MYO1H: variants seen among roughly 807,000 people sequenced by gnomAD.
MYO1H encodes unconventional myosin-Ih.
In MYO1H, 118 loss-of-function variants were observed where a neutral mutation model predicts 149.3. The observed-to-expected ratio is 0.79, with a 90% CI of 0.68 to 0.92. The LOEUF (loss-of-function observed/expected upper bound fraction) is 0.92. Ranked by LOEUF, MYO1H falls within the 40% of genes least tolerant of loss-of-function variation. The pLI is 0.00. For synonymous variants in MYO1H, 447 were observed against 465.2 expected, an observed-to-expected ratio of 0.96 and a Z score of 0.50; for missense variants, 1,212 against 1,280.7, an observed-to-expected ratio of 0.95 and a Z score of 0.82.
At chr12:109,385,606 A>T (rs940791131) in intron 1 of MYO1H, among the ~76,000 whole-genome samples, 2 of 152,250 alleles carry the variant, frequency 1.3e-5, no homozygotes, top group Admixed American at 6.5e-5. Context: ...AAATCACTAA[A>T]ATATTGTTTG....
At chr12:109,438,506 C>T in intron 22 of MYO1H, 30 bp from the exon 23 acceptor site, 2 of 1,578,768 alleles carry the variant, frequency 1.3e-6, no homozygotes, top group Non-Finnish European at 1.7e-6. Context: ...ATTGTGCTCA[C>T]CTTCTAATGC....
intron 1 of MYO1H, among the ~76,000 whole-genome samples, chr12:109,371,213 CTTTTTTT>C (rs34350111): frequency 1.9e-3 from 230 of 118,330 alleles, no homozygotes; most frequent in South Asian, 0.011. Flanking sequence ...TTTTTTCTTT[CTTTTTTT>C]TTTTTTTTTT....
chr12:109,326,945 A>G, the MYO1H span, among the ~76,000 whole-genome samples: 2 of 152,186 alleles, frequency 1.3e-5, no homozygotes, highest in South Asian at 2.1e-4. Flanking sequence ...CACTCTATGA[A>G]TAAGATACCT....
chr12:109,381,407 C>G (rs1259497672), intron 1 of MYO1H, among the ~76,000 whole-genome samples: 4 of 152,100 alleles, frequency 2.6e-5, no homozygotes, highest in Non-Finnish European at 5.9e-5. Flanking sequence ...AGTAAAAATC[C>G]TATCTCCAAA....
chr12:109,393,076 G>A (rs1331085243), intron 2 of MYO1H, among the ~76,000 whole-genome samples: 6 of 152,058 alleles, frequency 3.9e-5, no homozygotes, highest in African/African-American at 2.4e-5. Context: ...CCAAAGTGCT[G>A]GGATTACAGG....
chr12:109,382,838 A>G (rs1356193759), intron 1 of MYO1H, among the ~76,000 whole-genome samples: 1 of 149,566 alleles, frequency 6.7e-6, no homozygotes, highest in Non-Finnish European at 1.5e-5. Flanking sequence ...ATATCTTTAT[A>G]TATATATATT....
chr12:109,314,042 G>T, the MYO1H span, among the ~76,000 whole-genome samples: 1 of 151,798 alleles, frequency 6.6e-6, no homozygotes, highest in Admixed American at 6.6e-5. Context: ...GCACCACCAT[G>T]CCTGGCTAAT....
At chr12:109,343,109 C>T (rs1201786136), upstream of MYO1H, among the ~76,000 whole-genome samples, 1 of 151,968 alleles carries the variant, frequency 6.6e-6, no homozygotes, top group Non-Finnish European at 1.5e-5. Flanking sequence ...AAAAAAATTG[C>T]ATTTAGCTAT....
At chr12:109,366,748 C>T (rs1868873659) in intron 1 of MYO1H, among the ~76,000 whole-genome samples, 1 of 152,104 alleles carries the variant, frequency 6.6e-6, no homozygotes, top group Non-Finnish European at 1.5e-5. Flanking sequence ...TGAGTAGAGG[C>T]AAGAAGGATG....
chr12:109,339,449 C>G, the MYO1H span, among the ~76,000 whole-genome samples: 1 of 152,116 alleles, frequency 6.6e-6, no homozygotes, highest in African/African-American at 2.4e-5. Flanking sequence ...TTTGGAGTGG[C>G]AGAGTCCTTG....
chr12:109,378,565 C>A (rs1018834522), intron 1 of MYO1H, among the ~76,000 whole-genome samples: 1 of 152,162 alleles, frequency 6.6e-6, no homozygotes, highest in Admixed American at 6.5e-5. Context: ...CTCAAGCCCC[C>A]GTCTGGGCCT....
Position 109,406,041 on chromosome 12 carries a change from G to C in MYO1H, c.963+6G>C. 6.3e-7 allele frequency: 1 copy of C among 1,599,150 alleles called. No homozygotes were observed. The highest frequency in any genetic ancestry group is 8.6e-7 in the Non-Finnish European group (1 of 1,166,706). On this transcript the variant is annotated splice_donor_region_variant and intron_variant, in intron 8 of 31. Coordinates refer to ENST00000310903, the Ensembl canonical transcript of MYO1H. ...AGATCAAGTGGATAGCCAAGGTGAT[G>C]CTCCTCTTTTGGAGAGGACAGAAGG...
At chr12:109,424,754 T>G in exon 17 of MYO1H, 2 of 1,613,778 alleles carry the variant, frequency 1.2e-6, no homozygotes, top group Non-Finnish European at 1.7e-6. Flanking sequence ...ACAGGTGCTG[T>G]GCAAGTCCAA....
At chr12:109,325,467 A>G in the MYO1H span, among the ~76,000 whole-genome samples, 1 of 152,238 alleles carries the variant, frequency 6.6e-6, no homozygotes, top group Admixed American at 6.5e-5. Context: ...GTAAAACCCA[A>G]AACCATAAAA....
At chr12:109,385,075 C>T (rs1348597856) in intron 1 of MYO1H, among the ~76,000 whole-genome samples, 1 of 152,144 alleles carries the variant, frequency 6.6e-6, no homozygotes, top group African/African-American at 2.4e-5. Flanking sequence ...TCTGGTGAAA[C>T]TGACAACCCT....
intron 2 of MYO1H, among the ~76,000 whole-genome samples, chr12:109,390,714 G>A (rs1030545661): frequency 9.2e-5 from 14 of 151,702 alleles, no homozygotes; most frequent in Non-Finnish European, 1.9e-4. Flanking sequence ...GCCCAGGCTG[G>A]GGTGCAGTGG....
intron 1 of MYO1H, among the ~76,000 whole-genome samples, chr12:109,352,526 C>A (rs1332831049): frequency 6.6e-6 from 1 of 152,134 alleles, no homozygotes; most frequent in Non-Finnish European, 1.5e-5. Context: ...TACACTTTTG[C>A]TACATCTTGC....
the MYO1H span, among the ~76,000 whole-genome samples, chr12:109,318,999 C>CT: frequency 3.7e-5 from 1 of 27,092 alleles, no homozygotes; most frequent in African/African-American, 1.6e-4. Context: ...TTTTTTGCAA[C>CT]TTTTCTGTCA....
intron 1 of MYO1H, among the ~76,000 whole-genome samples, chr12:109,375,229 T>TGCA (rs1167839998): frequency 6.7e-6 from 1 of 150,170 alleles, no homozygotes; most frequent in East Asian, 2.0e-4. Context: ...CTTGGCTCAC[T>TGCA]GCAGCCTCCA....
Sources: gnomAD v4.1 joint callset for allele counts (sites outside exome capture counted in the v4.1 genomes callset) on GRCh38, gnomAD v4.1.1 for gene constraint, MANE v1.5 for transcripts, NCBI Gene and HGNC (gene_info 2026-07-23, HGNC 2026-07-21) for gene names.